The following SPECC1L variants were observed in gnomAD, a reference collection of about 807,000 sequenced individuals.
SPECC1L encodes the protein cytospin-A.
SPECC1L carries 40 observed loss-of-function variants against 116.8 expected under a neutral mutation model. That is an observed-to-expected ratio of 0.34 (90% confidence interval 0.27 to 0.45). The LOEUF (loss-of-function observed/expected upper bound fraction) is 0.45, where lower values mean the gene tolerates loss of function less well. SPECC1L is among the 20% of genes least tolerant of loss of function. The probability of loss-of-function intolerance (pLI) is 1.00; values close to 1 mark genes in which losing one functional copy is unlikely to be tolerated. For synonymous variants in SPECC1L, 504 were observed against 500.6 expected, an observed-to-expected ratio of 1.01 and a Z score of -0.09; for missense variants, 1,110 against 1,373.6, an observed-to-expected ratio of 0.81 and a Z score of 3.03.
chr22:24,294,302 G>A (rs969970627), intron 2 of SPECC1L, among the ~76,000 whole-genome samples: 9 of 143,292 alleles, frequency 6.3e-5, no homozygotes, highest in African/African-American at 2.4e-4. Context: ...ATAAAGGATG[G>A]GGACCTATTT....
intron 14 of SPECC1L, among the ~76,000 whole-genome samples, chr22:24,390,054 T>A (rs930116979): frequency 6.6e-6 from 1 of 151,986 alleles, no homozygotes; most frequent in African/African-American, 2.4e-5. Context: ...GACGCTTCCT[T>A]TTCACATGTC....
chr22:24,274,458 A>T (rs1447943192), intron 1 of SPECC1L, among the ~76,000 whole-genome samples: 1 of 152,232 alleles, frequency 6.6e-6, no homozygotes. Context: ...TTGAAATGAA[A>T]TTAATAATGT....
chr22:24,336,654 C>T (rs973946269), intron 9 of SPECC1L, among the ~76,000 whole-genome samples: 1 of 152,066 alleles, frequency 6.6e-6, no homozygotes, highest in Non-Finnish European at 1.5e-5. Flanking sequence ...AAATTATACA[C>T]CTATTCAAAA....
chr22:24,412,584 T>A, intron 15 of SPECC1L, 64 bp from the exon 16 acceptor site: 1 of 1,503,008 alleles, frequency 6.7e-7, no homozygotes, highest in South Asian at 1.1e-5. Flanking sequence ...CAGGCAGTTG[T>A]GGAGGCCACG....
intron 14 of SPECC1L, among the ~76,000 whole-genome samples, chr22:24,390,941 T>C (rs1375852695): frequency 7.2e-6 from 1 of 138,992 alleles, no homozygotes; most frequent in Admixed American, 7.6e-5. Flanking sequence ...AGTGGAGCGA[T>C]CTCGGCTCAC....
At chr22:24,327,857 C>T (rs1342770355) in intron 6 of SPECC1L, among the ~76,000 whole-genome samples, 4 of 152,056 alleles carry the variant, frequency 2.6e-5, no homozygotes, top group East Asian at 1.9e-4. Context: ...GTAATATTGG[C>T]GGCAACATGG....
chr22:24,361,302 T>A (rs1439939184), intron 11 of SPECC1L, among the ~76,000 whole-genome samples: 1 of 152,108 alleles, frequency 6.6e-6, no homozygotes, highest in Non-Finnish European at 1.5e-5. Flanking sequence ...AGGTGGAGGA[T>A]CACTTGAGCC....
intron 3 of SPECC1L, among the ~76,000 whole-genome samples, chr22:24,306,482 G>GCGGT (rs376297303): frequency 4.6e-5 from 7 of 152,224 alleles, no homozygotes; most frequent in African/African-American, 1.2e-4. Flanking sequence ...CTGGGCTCAA[G>GCGGT]CGGTCTTCAG....
At chr22:24,274,741 C>G (rs2048798798) in intron 1 of SPECC1L, among the ~76,000 whole-genome samples, 1 of 152,222 alleles carries the variant, frequency 6.6e-6, no homozygotes, top group South Asian at 2.1e-4. Flanking sequence ...CAATCACTTT[C>G]CCATTTAAAC....
chr22:24,302,864 G>A (rs964932045), intron 3 of SPECC1L, among the ~76,000 whole-genome samples: 1 of 152,152 alleles, frequency 6.6e-6, no homozygotes, highest in Non-Finnish European at 1.5e-5. Flanking sequence ...CTAGACAGGT[G>A]TTTTTATCTG....
At chr22:24,339,797 C>G (rs376561222) in intron 10 of SPECC1L, among the ~76,000 whole-genome samples, 254 of 151,950 alleles carry the variant, frequency 1.7e-3, no homozygotes, top group African/African-American at 5.9e-3. Context: ...TTTTTTTTTA[C>G]CCCGAAACGG....
intron 5 of SPECC1L, 123 bp downstream of exon 5, chr22:24,323,041 A>G: frequency 7.0e-7 from 1 of 1,429,886 alleles, no homozygotes; most frequent in Admixed American, 2.8e-5. Context: ...TAAAACTGAT[A>G]TTTTTAAAAC....
Position 24,301,050 on chromosome 22 carries a change from G to A in SPECC1L, c.-37-1145G>A, listed in dbSNP as rs540956741. Among the ~76,000 whole-genome samples, 5 of 152,266 alleles carry A rather than the reference G, an allele frequency of 3.3e-5. No homozygotes were observed. In the South Asian group the frequency reaches 1.0e-3, roughly 32 times the overall value. ...CTAGGCAATACCATTCAGGACATAG[G>A]CATGGGCAAAGACTTCCATGACAGA... On this transcript the variant is annotated intron_variant, in intron 2 of 16. Coordinates refer to ENST00000314328, the MANE Select transcript of SPECC1L (RefSeq NM_015330.6).
chr22:24,279,837 C>G (rs1374728905), intron 2 of SPECC1L, among the ~76,000 whole-genome samples: 1 of 152,216 alleles, frequency 6.6e-6, no homozygotes, highest in Non-Finnish European at 1.5e-5. Context: ...CTCAGCCTCC[C>G]AAAGTGCTGG....
At position 24,302,376 on chromosome 22, in the gene SPECC1L, T is replaced by C; in HGVS notation, c.145T>C (p.Leu49=). ...KLVKPGTAAS[L]SKTKSSDDLL... ...TGTAAAACCTGGAACAGCAGCATCA[T>C]TGTCAAAGGTATTCATGTGATGTTT... The change falls in exon 3 of 17, where the codon TTG becomes CTG. Residue 49 remains leucine (L), a synonymous_variant. Coordinates refer to ENST00000314328, the MANE Select transcript of SPECC1L (RefSeq NM_015330.6). 1 of 1,614,080 alleles carries C rather than the reference T, an allele frequency of 6.2e-7. No homozygotes were observed. Among genetic ancestry groups the C allele is most frequent in the Non-Finnish European group, 8.5e-7 (1 of 1,180,012 alleles).
At chr22:24,330,222 C>T (rs1346853363) in intron 7 of SPECC1L, 34 bp from the exon 8 acceptor site, 2 of 1,609,682 alleles carry the variant, frequency 1.2e-6, no homozygotes, top group South Asian at 1.1e-5. Flanking sequence ...TGATTGCTCT[C>T]TTTTGGAAAT....
intron 14 of SPECC1L, among the ~76,000 whole-genome samples, chr22:24,405,313 T>C (rs1230372560): frequency 6.6e-6 from 1 of 151,918 alleles, no homozygotes; most frequent in African/African-American, 2.4e-5. Flanking sequence ...GCACGTGGTA[T>C]TGCTCCATGT....
chr22:24,300,673 G>A (rs1432386870), intron 2 of SPECC1L, among the ~76,000 whole-genome samples: 4 of 152,214 alleles, frequency 2.6e-5, no homozygotes, highest in South Asian at 4.2e-4. Context: ...ATTCTGACTG[G>A]CATGAGATGT....
intron 3 of SPECC1L, among the ~76,000 whole-genome samples, chr22:24,304,768 C>G (rs1227062690): frequency 6.6e-6 from 1 of 152,180 alleles, no homozygotes; most frequent in Admixed American, 6.5e-5. Flanking sequence ...ACAGTGTAAA[C>G]ATTTGTTAAT....
Sources: allele counts gnomAD v4.1 joint callset (sites outside exome capture counted in the v4.1 genomes callset), GRCh38; gene constraint gnomAD v4.1.1; transcripts MANE v1.5; gene names NCBI Gene and HGNC (gene_info 2026-07-23, HGNC 2026-07-21).